NRG3: variants seen among roughly 807,000 people sequenced by gnomAD.
NRG3 encodes pro-neuregulin-3, membrane-bound isoform.
NRG3 carries 31 observed loss-of-function variants against 66.9 expected under a neutral mutation model. That is an observed-to-expected ratio of 0.46 (90% CI 0.35 to 0.63). The LOEUF is 0.63. Among genes scored for constraint, NRG3 ranks in the 20% least tolerant of loss-of-function variants. The pLI is 0.00. For missense variants in NRG3, 910 were observed against 878.9 expected, an observed-to-expected ratio of 1.04 and a Z score of -0.45; for synonymous variants, 393 against 359.4, an observed-to-expected ratio of 1.09 and a Z score of -1.06.
intron 2 of NRG3, among the ~76,000 whole-genome samples, chr10:82,685,751 A>G (rs60744631): frequency 0.026 from 3,958 of 152,166 alleles, 199 homozygotes; most frequent in African/African-American, 0.09. Context: ...TTCTCTCTGT[A>G]TATCTTTATA....
intron 3 of NRG3, among the ~76,000 whole-genome samples, chr10:82,855,666 A>G (rs900518872): frequency 1.3e-5 from 2 of 152,090 alleles, no homozygotes; most frequent in Admixed American, 6.6e-5. Context: ...CCAAAGTGCT[A>G]GGATTGCAGG....
Position 82,309,656 on chromosome 10 carries a change from T to G in NRG3, c.824-49083T>G, listed in dbSNP as rs866439821. Among the ~76,000 whole-genome samples the G allele has an allele frequency of 4.6e-5, 7 of 152,152 alleles. No individual in the cohort carries two copies. In the South Asian group the frequency reaches 1.5e-3, roughly 32 times the overall value. On this transcript the variant is annotated intron_variant, in intron 1 of 8. Transcript: ENST00000372141. The stretch of plus-strand genomic sequence containing the variant: ...CCAGGGAAATCATCTGTATTGCAGG[T>G]TAGGGCCAAAGTAGGTCAGTAAGAG...
intron 3 of NRG3, among the ~76,000 whole-genome samples, chr10:82,767,153 G>C (rs2059547127): frequency 6.6e-6 from 1 of 151,690 alleles, no homozygotes; most frequent in African/African-American, 2.4e-5. Context: ...GGTCCAGCTA[G>C]CAACTCTATT....
At chr10:82,193,465 T>C (rs959403439) in intron 1 of NRG3, among the ~76,000 whole-genome samples, 21 of 151,736 alleles carry the variant, frequency 1.4e-4, no homozygotes, top group African/African-American at 5.1e-4. Context: ...TTATAAAAAG[T>C]CTATTCTGAC....
At chr10:81,925,288 T>C (rs1268034368) in intron 1 of NRG3, among the ~76,000 whole-genome samples, 2 of 152,208 alleles carry the variant, frequency 1.3e-5, no homozygotes, top group East Asian at 3.9e-4. Flanking sequence ...TTTGGTCTAG[T>C]CTGACTTTCA....
chr10:82,759,600 C>T (rs1453966259), intron 3 of NRG3, among the ~76,000 whole-genome samples: 1 of 152,130 alleles, frequency 6.6e-6, no homozygotes, highest in Non-Finnish European at 1.5e-5. Context: ...AGATCCTGCA[C>T]ATAGAGCTCC....
At chr10:81,891,929 C>G (rs1211021558) in intron 1 of NRG3, among the ~76,000 whole-genome samples, 3 of 152,160 alleles carry the variant, frequency 2.0e-5, no homozygotes, top group South Asian at 2.1e-4. Flanking sequence ...CTGGCTCGCT[C>G]TCTCCCTACC....
At chr10:82,440,908 T>A (rs2090401623) in intron 2 of NRG3, among the ~76,000 whole-genome samples, 1 of 152,238 alleles carries the variant, frequency 6.6e-6, no homozygotes, top group South Asian at 2.1e-4. Flanking sequence ...TTTACTGTGG[T>A]CCTTGCTGAC....
rs980287895 is a variant in NRG3 at position 81,951,272 on chromosome 10, C to G, written c.823+75109C>G. 3.3e-5 allele frequency among the ~76,000 whole-genome samples: 5 copies of G among 152,158 alleles called. No homozygotes were observed. The East Asian group carries it at 9.6e-4, about 29-fold the overall frequency. On this transcript the variant is annotated intron_variant, in intron 1 of 8. Transcript: ENST00000372141. ...CAGGCAGGACTGAGAGAAGCTTCAA[C>G]AGTTGAACAGCTGTTGTCTGTCCTT...
At chr10:82,952,437 A>T (rs1849614225) in intron 5 of NRG3, among the ~76,000 whole-genome samples, 1 of 150,394 alleles carries the variant, frequency 6.6e-6, no homozygotes, top group Non-Finnish European at 1.5e-5. Flanking sequence ...AAAAAAAAAA[A>T]AAAGTAGATA....
chr10:81,985,871 C>T (rs1022089987), intron 1 of NRG3, among the ~76,000 whole-genome samples: 1 of 152,088 alleles, frequency 6.6e-6, no homozygotes, highest in African/African-American at 2.4e-5. Flanking sequence ...TAATATATAC[C>T]ATAACATAGC....
intron 1 of NRG3, among the ~76,000 whole-genome samples, chr10:82,074,834 C>T (rs1307863623): frequency 1.3e-5 from 2 of 152,160 alleles, no homozygotes; most frequent in East Asian, 3.9e-4. Flanking sequence ...TAGACCCTGT[C>T]CCCTCCCACA....
At chr10:82,430,760 GT>G (rs1160862571) in intron 2 of NRG3, among the ~76,000 whole-genome samples, 2 of 152,138 alleles carry the variant, frequency 1.3e-5, no homozygotes, top group Admixed American at 6.5e-5. Flanking sequence ...TACTGGGATG[GT>G]TTGGTGTCAG....
chr10:82,946,770 A>G (rs1259400186), intron 4 of NRG3, among the ~76,000 whole-genome samples: 3 of 152,184 alleles, frequency 2.0e-5, no homozygotes, highest in Non-Finnish European at 4.4e-5. Flanking sequence ...ACATGCATAT[A>G]TATGATTTAA....
intron 1 of NRG3, among the ~76,000 whole-genome samples, chr10:82,227,889 A>C (rs960029058): frequency 6.6e-6 from 1 of 152,048 alleles, no homozygotes; most frequent in African/African-American, 2.4e-5. Context: ...GGCAGCCTTC[A>C]TTTTCCATTT....
At chr10:82,710,567 C>G (rs569734135) in intron 2 of NRG3, among the ~76,000 whole-genome samples, 35 of 89,976 alleles carry the variant, frequency 3.9e-4, no homozygotes, top group Admixed American at 3.9e-3. Flanking sequence ...GCCTGGGCGA[C>G]AAGAGCAAGA....
chr10:82,193,108 A>G (rs1465101287), intron 1 of NRG3, among the ~76,000 whole-genome samples: 2 of 152,120 alleles, frequency 1.3e-5, no homozygotes, highest in Non-Finnish European at 2.9e-5. Flanking sequence ...AAACCAATGG[A>G]GAGTTTGGTG....
In NRG3 at chr10:82,362,435, A is replaced by G. The variant is rs891060978; in HGVS notation, c.953+3567A>G. Among the ~76,000 whole-genome samples the G allele has an allele frequency of 3.4e-5, 5 of 147,568 alleles. No homozygotes were observed. In the South Asian group the frequency reaches 6.5e-4, roughly 19 times the overall value. On this transcript the variant is annotated intron_variant, in intron 2 of 8. Coordinates refer to ENST00000372141, the MANE Select transcript of NRG3 (RefSeq NM_001010848.4). ...GTCACTCAGGTTGGAGCACAGTGGT[A>G]TGATCTTGGCTCACTGCAGCCTCAA...
At chr10:82,099,284 G>C (rs976038460) in intron 1 of NRG3, among the ~76,000 whole-genome samples, 1 of 151,980 alleles carries the variant, frequency 6.6e-6, no homozygotes, top group Non-Finnish European at 1.5e-5. Flanking sequence ...CATAAAATTT[G>C]GTTAGGATTC....
Sources: allele counts gnomAD v4.1 joint callset (sites outside exome capture counted in the v4.1 genomes callset), GRCh38; gene constraint gnomAD v4.1.1; transcripts MANE v1.5; gene names NCBI Gene and HGNC (gene_info 2026-07-23, HGNC 2026-07-21).